Variants in IL1RAPL1 observed in about 807,000 individuals in gnomAD.
IL1RAPL1 encodes the protein interleukin 1 receptor accessory protein like 1.
IL1RAPL1 carries 3 observed loss-of-function variants against 48.4 expected under a neutral mutation model. That is an observed-to-expected ratio of 0.06 (90% CI 0.03 to 0.16). IL1RAPL1 has a LOEUF of 0.16. Among genes scored for constraint, IL1RAPL1 ranks in the 10% least tolerant of loss-of-function variants. The pLI, the probability that IL1RAPL1 is intolerant of heterozygous loss-of-function variation, is 1.00. For synonymous variants in IL1RAPL1, 185 were observed against 187.7 expected (o/e 0.99, Z 0.12); for missense variants, 349 against 530.6 (o/e 0.66, Z 3.36).
chrX:28,919,941 G>A lies in IL1RAPL1; in HGVS notation c.82+130516G>A, dbSNP rs146870542. On this transcript the variant is annotated intron_variant, in intron 2 of 10. Transcript: ENST00000378993. Reference sequence around the variant, plus strand: ...GCTTTATGTATTTGCATGAATAATTGTTTAAATTTGTCTGATTGTACTACG... The same window carrying A: ...GCTTTATGTATTTGCATGAATAATTATTTAAATTTGTCTGATTGTACTACG... 4.5e-3 allele frequency among the ~76,000 whole-genome samples: 499 copies of A among 111,768 alleles called. 4 individuals carry two copies. Among genetic ancestry groups the A allele is most frequent in the African/African-American group, 0.015 (468 of 30,805 alleles).
intron 2 of IL1RAPL1, among the ~76,000 whole-genome samples, chrX:29,218,441 C>T (rs1317265473): frequency 9.0e-6 from 1 of 111,484 alleles, no homozygotes; most frequent in Non-Finnish European, 1.9e-5. Flanking sequence ...TATATTAAAT[C>T]TTGTTGAGGA....
intron 6 of IL1RAPL1, among the ~76,000 whole-genome samples, chrX:29,822,157 A>G (rs1244940830): frequency 4.5e-5 from 5 of 111,824 alleles, no homozygotes; most frequent in African/African-American, 1.6e-4. Context: ...AATTTCAATC[A>G]GTTTGTTTGA....
intron 3 of IL1RAPL1, among the ~76,000 whole-genome samples, chrX:29,344,421 C>G (rs998090390): frequency 8.9e-6 from 1 of 111,928 alleles, no homozygotes; most frequent in Non-Finnish European, 1.9e-5. Context: ...TTTCATCTAG[C>G]TATTCATTTT....
intron 6 of IL1RAPL1, among the ~76,000 whole-genome samples, chrX:29,904,271 G>GA (rs1184290863): frequency 8.9e-6 from 1 of 111,749 alleles, no homozygotes; most frequent in Non-Finnish European, 1.9e-5. Context: ...CAGCAAATTA[G>GA]AGACTGAAAG....
At chrX:29,100,571 A>G (rs1240282224) in intron 2 of IL1RAPL1, among the ~76,000 whole-genome samples, 1 of 112,115 alleles carries the variant, frequency 8.9e-6, no homozygotes, top group African/African-American at 3.2e-5. Flanking sequence ...GTAGTTTGTT[A>G]CATAAGGACT....
At chrX:29,305,825 C>T (rs914416624) in intron 3 of IL1RAPL1, among the ~76,000 whole-genome samples, 3 of 111,580 alleles carry the variant, frequency 2.7e-5, no homozygotes, top group Non-Finnish European at 5.6e-5. Context: ...TACAGTGAAA[C>T]AATTTGAGCC....
At chrX:28,907,163 A>C (rs1430367308) in intron 2 of IL1RAPL1, among the ~76,000 whole-genome samples, 2 of 111,883 alleles carry the variant, frequency 1.8e-5, no homozygotes, top group African/African-American at 6.5e-5. Context: ...GATTCTGCCA[A>C]GTCTTTCTTT....
intron 1 of IL1RAPL1, among the ~76,000 whole-genome samples, chrX:28,634,383 GTACACGTA>G: frequency 9.2e-6 from 1 of 108,313 alleles, no homozygotes; most frequent in Non-Finnish European, 1.9e-5. Context: ...ATACACGTAT[GTACACGTA>G]TATACGTATA....
intron 6 of IL1RAPL1, among the ~76,000 whole-genome samples, chrX:29,726,387 A>G (rs947236943): frequency 1.9e-4 from 21 of 112,089 alleles, no homozygotes; most frequent in African/African-American, 6.5e-4. Flanking sequence ...AACACCCTGG[A>G]TAACTTTTGA....
intron 3 of IL1RAPL1, among the ~76,000 whole-genome samples, chrX:29,392,258 G>A (rs1456616225): frequency 8.9e-6 from 1 of 112,261 alleles, no homozygotes; most frequent in Non-Finnish European, 1.9e-5. Flanking sequence ...ATGTGCTAAT[G>A]GTTTTACCAT....
At position 29,556,160 on chromosome X, in the gene IL1RAPL1, T is replaced by G. The variant is rs7891238; in HGVS notation, c.704-112270T>G. Among the ~76,000 whole-genome samples, 783 of 111,450 alleles carry G rather than the reference T, an allele frequency of 7.0e-3. 6 individuals carry two copies. The highest frequency in any genetic ancestry group is 0.024 in the African/African-American group (726 of 30,637). ...CCCATGGTGTCCAGTCAGGGGAACA[T>G]GGGGATAATGTGTCCATTCACTGAC... On this transcript the variant is annotated intron_variant, in intron 5 of 10. Coordinates refer to ENST00000378993, the MANE Select transcript of IL1RAPL1 (RefSeq NM_014271.4).
At chrX:29,628,126 A>G (rs1375639956) in intron 5 of IL1RAPL1, among the ~76,000 whole-genome samples, 2 of 112,360 alleles carry the variant, frequency 1.8e-5, no homozygotes, top group Non-Finnish European at 3.8e-5. Flanking sequence ...ACTTTCAGCC[A>G]GAATGCTTCA....
intron 5 of IL1RAPL1, among the ~76,000 whole-genome samples, chrX:29,641,111 C>T (rs775480575): frequency 2.7e-5 from 3 of 112,450 alleles, no homozygotes; most frequent in Non-Finnish European, 5.6e-5. Flanking sequence ...ATCAAGGCTA[C>T]AGTGAGTCAC....
At chrX:29,693,703 C>T (rs1052230302) in intron 6 of IL1RAPL1, among the ~76,000 whole-genome samples, 6 of 112,160 alleles carry the variant, frequency 5.3e-5, no homozygotes, top group Middle Eastern at 4.7e-3. Context: ...CTGTGGACAA[C>T]GTGAATGACA....
chrX:28,846,393 G>A (rs902137636), intron 2 of IL1RAPL1, among the ~76,000 whole-genome samples: 1 of 111,774 alleles, frequency 8.9e-6, no homozygotes, highest in Non-Finnish European at 1.9e-5. Flanking sequence ...ATATTCACGG[G>A]CGGGTTTTTA....
At chrX:29,891,320 T>C (rs984491653) in intron 6 of IL1RAPL1, among the ~76,000 whole-genome samples, 1 of 112,483 alleles carries the variant, frequency 8.9e-6, no homozygotes, top group African/African-American at 3.2e-5. Context: ...TGTTTCCTGA[T>C]GAAGGCCTAT....
intron 1 of IL1RAPL1, among the ~76,000 whole-genome samples, chrX:28,605,177 C>G (rs960602962): frequency 8.9e-6 from 1 of 112,220 alleles, no homozygotes; most frequent in Non-Finnish European, 1.9e-5. Context: ...TATCAGTATC[C>G]TTTTTGTCAC....
intron 6 of IL1RAPL1, among the ~76,000 whole-genome samples, chrX:29,750,391 T>C (rs1928430026): frequency 9.2e-6 from 1 of 109,150 alleles, no homozygotes; most frequent in Non-Finnish European, 1.9e-5. Flanking sequence ...AGTGGTTATA[T>C]TGAGTTGCAT....
At chrX:29,927,269 G>C (rs1601887334) in intron 8 of IL1RAPL1, among the ~76,000 whole-genome samples, 1 of 112,310 alleles carries the variant, frequency 8.9e-6, no homozygotes, top group Admixed American at 9.4e-5. Context: ...TTTCTAATTA[G>C]CTTGGTAGCC....
Sources: allele counts gnomAD v4.1 joint callset (sites outside exome capture counted in the v4.1 genomes callset), GRCh38; gene constraint gnomAD v4.1.1; transcripts MANE v1.5; gene names NCBI Gene and HGNC (gene_info 2026-07-23, HGNC 2026-07-21).